The following RAB38 variants were observed in gnomAD, a reference collection of about 807,000 sequenced individuals.
RAB38 encodes ras-related protein Rab-38.
RAB38 carries 15 observed loss-of-function variants against 18.4 expected under a neutral mutation model. The ratio of observed to expected loss-of-function variants is 0.82; its 90% CI spans 0.55 to 1.26. The LOEUF is 1.26. Among genes scored for constraint, RAB38 ranks in the 50% most tolerant of loss-of-function variants. The pLI, the probability that RAB38 is intolerant of heterozygous loss-of-function variation, is 0.00. For synonymous variants in RAB38, 101 were observed against 104.4 expected, an observed-to-expected ratio of 0.97 and a Z score of 0.20; for missense variants, 294 against 267.4, an observed-to-expected ratio of 1.10 and a Z score of -0.69.
chr11:87,820,106 A>G, the RAB38 span, among the ~76,000 whole-genome samples: 1 of 152,212 alleles, frequency 6.6e-6, no homozygotes, highest in Non-Finnish European at 1.5e-5. Flanking sequence ...AGGCACTGAT[A>G]AAGAATGGAA....
the RAB38 span, among the ~76,000 whole-genome samples, chr11:87,920,235 G>A: frequency 6.6e-6 from 1 of 151,450 alleles, no homozygotes; most frequent in Non-Finnish European, 1.5e-5. Flanking sequence ...TTTAATGTTA[G>A]CTTATTTGGG....
At chr11:88,014,999 C>T in the RAB38 span, among the ~76,000 whole-genome samples, 6 of 151,700 alleles carry the variant, frequency 4.0e-5, no homozygotes, top group Non-Finnish European at 8.8e-5. Context: ...AAATTAGTAA[C>T]CAATAATAGA....
At chr11:87,944,713 T>C in the RAB38 span, among the ~76,000 whole-genome samples, 1 of 152,174 alleles carries the variant, frequency 6.6e-6, no homozygotes, top group African/African-American at 2.4e-5. Context: ...GGTGGATATT[T>C]AGAGTCTTTC....
At chr11:88,047,724 C>G in the RAB38 span, among the ~76,000 whole-genome samples, 1 of 152,184 alleles carries the variant, frequency 6.6e-6, no homozygotes, top group South Asian at 2.1e-4. Flanking sequence ...GGCACCAGAT[C>G]CCATTGCTCA....
At chr11:87,883,149 G>A in the RAB38 span, among the ~76,000 whole-genome samples, 58 of 151,882 alleles carry the variant, frequency 3.8e-4, 1 homozygote, top group African/African-American at 1.3e-3. Context: ...CACATGCCAC[G>A]CAGAGCAAAT....
the RAB38 span, among the ~76,000 whole-genome samples, chr11:88,008,866 G>C: frequency 6.6e-6 from 1 of 152,116 alleles, no homozygotes; most frequent in Non-Finnish European, 1.5e-5. Context: ...TAGAGACGGG[G>C]TTTCACCATG....
At chr11:87,972,589 C>T in the RAB38 span, among the ~76,000 whole-genome samples, 1 of 151,970 alleles carries the variant, frequency 6.6e-6, no homozygotes, top group Non-Finnish European at 1.5e-5. Context: ...CACCTACTGA[C>T]CTCTGGAAGT....
At chr11:88,035,137 A>G in the RAB38 span, among the ~76,000 whole-genome samples, 5 of 152,164 alleles carry the variant, frequency 3.3e-5, no homozygotes, top group African/African-American at 1.2e-4. Context: ...AAACTCTCTC[A>G]AAGACTTTTG....
At chr11:88,072,157 C>A in the RAB38 span, among the ~76,000 whole-genome samples, 1 of 152,084 alleles carries the variant, frequency 6.6e-6, no homozygotes, top group Non-Finnish European at 1.5e-5. Context: ...ACAGTGACTT[C>A]AAAATAATAT....
At chr11:87,820,070 T>A in the RAB38 span, among the ~76,000 whole-genome samples, 1 of 152,158 alleles carries the variant, frequency 6.6e-6, no homozygotes, top group Admixed American at 6.6e-5. Context: ...TAATAAGCTC[T>A]CAGGGAAGTA....
At chr11:87,908,138 C>T in the RAB38 span, among the ~76,000 whole-genome samples, 5 of 151,786 alleles carry the variant, frequency 3.3e-5, no homozygotes, top group Admixed American at 1.3e-4. Context: ...TATAGCAGTT[C>T]GGAGGGATGC....
chr11:87,833,100 C>T, the RAB38 span, among the ~76,000 whole-genome samples: 1 of 152,162 alleles, frequency 6.6e-6, no homozygotes, highest in Non-Finnish European at 1.5e-5. Flanking sequence ...TTTCTAATCC[C>T]TTCTCACAGG....
the RAB38 span, among the ~76,000 whole-genome samples, chr11:87,927,864 C>G: frequency 6.6e-6 from 1 of 151,722 alleles, no homozygotes; most frequent in Admixed American, 6.6e-5. Flanking sequence ...CCCAGGAGTT[C>G]CAGACCGGCC....
the RAB38 span, among the ~76,000 whole-genome samples, chr11:88,026,122 G>A: frequency 4.5e-3 from 678 of 151,944 alleles, 2 homozygotes; most frequent in African/African-American, 0.015. Flanking sequence ...GCACCACCAC[G>A]TCTGGCTAAT....
At chr11:87,937,344 A>ATATATG in the RAB38 span, among the ~76,000 whole-genome samples, 1 of 137,314 alleles carries the variant, frequency 7.3e-6, no homozygotes, top group African/African-American at 2.8e-5. Flanking sequence ...ATATATATAT[A>ATATATG]TATATATCAT....
chr11:87,842,790 GCATGCACACACACACACACGCGCGCGCA>G, the RAB38 span, among the ~76,000 whole-genome samples: 1 of 144,248 alleles, frequency 6.9e-6, no homozygotes. Flanking sequence ...ACATGCATGC[GCATGCACACACACACACACGCGCGCGCA>G]CACACACACA....
chr11:88,039,710 T>C, the RAB38 span, among the ~76,000 whole-genome samples: 1 of 152,152 alleles, frequency 6.6e-6, no homozygotes, highest in Non-Finnish European at 1.5e-5. Flanking sequence ...TAAATAGGCA[T>C]GAGAATGGGC....
At chr11:88,029,692 T>C in the RAB38 span, among the ~76,000 whole-genome samples, 1 of 152,044 alleles carries the variant, frequency 6.6e-6, no homozygotes, top group Non-Finnish European at 1.5e-5. Context: ...ATCCTAAATA[T>C]ATATGCACCC....
the RAB38 span, among the ~76,000 whole-genome samples, chr11:88,027,071 C>T: frequency 1.3e-5 from 2 of 152,076 alleles, no homozygotes; most frequent in Non-Finnish European, 1.5e-5. Context: ...TTTTTGATAA[C>T]AATCAGACCA....
Sources: gnomAD v4.1 joint callset for allele counts (sites outside exome capture counted in the v4.1 genomes callset) on GRCh38, gnomAD v4.1.1 for gene constraint, MANE v1.5 for transcripts, NCBI Gene and HGNC (gene_info 2026-07-23, HGNC 2026-07-21) for gene names.